The following RNF130 variants were observed in gnomAD, a reference collection of about 807,000 sequenced individuals.
RNF130 encodes the protein ring finger protein 130, also known as E3 ubiquitin-protein ligase RNF130.
RNF130 carries 21 observed loss-of-function variants against 44.6 expected under a neutral mutation model. The ratio of observed to expected loss-of-function variants is 0.47; its 90% CI spans 0.33 to 0.68. RNF130 has a LOEUF of 0.68. RNF130 is among the 30% of genes least tolerant of loss of function. RNF130 has a pLI of 0.02. For synonymous variants in RNF130, 214 were observed against 210.4 expected, an observed-to-expected ratio of 1.02 and a Z score of -0.15; for missense variants, 479 against 560.6, an observed-to-expected ratio of 0.85 and a Z score of 1.47.
chr5:179,954,324 G>C (rs79782985), downstream of RNF130, among the ~76,000 whole-genome samples: 1 of 152,138 alleles, frequency 6.6e-6, no homozygotes, highest in South Asian at 2.1e-4. Context: ...CATAACAGCC[G>C]AACAGCGGAA....
intron 2 of RNF130, among the ~76,000 whole-genome samples, chr5:180,014,317 C>T (rs1763665587): frequency 6.6e-6 from 1 of 152,172 alleles, no homozygotes; most frequent in South Asian, 2.1e-4. Context: ...TTTAAGGAAA[C>T]AGAGAAACTT....
intron 2 of RNF130, among the ~76,000 whole-genome samples, chr5:180,032,255 ACTT>A (rs1435783744): frequency 3.9e-5 from 6 of 152,306 alleles, no homozygotes; most frequent in African/African-American, 1.4e-4. Context: ...ATAGGCAAGA[ACTT>A]CTTGTTCAAA....
chr5:179,960,487 T>C (rs1205691230), intron 8 of RNF130, among the ~76,000 whole-genome samples: 1 of 152,102 alleles, frequency 6.6e-6, no homozygotes, highest in Non-Finnish European at 1.5e-5. Context: ...CCGAGCGTGG[T>C]GAGGAAGGGA....
intron 3 of RNF130, among the ~76,000 whole-genome samples, chr5:180,011,353 T>C (rs868504921): frequency 4.6e-5 from 7 of 152,242 alleles, no homozygotes; most frequent in African/African-American, 1.7e-4. Context: ...TTTACTGATT[T>C]TGATAACCAC....
At chr5:180,031,368 T>G (rs1039413948) in intron 2 of RNF130, among the ~76,000 whole-genome samples, 1 of 152,086 alleles carries the variant, frequency 6.6e-6, no homozygotes, top group Non-Finnish European at 1.5e-5. Flanking sequence ...GCACCTGTAA[T>G]CCCAGCTACT....
chr5:180,002,842 G>T (rs1479968814), intron 3 of RNF130, among the ~76,000 whole-genome samples: 1 of 152,052 alleles, frequency 6.6e-6, no homozygotes, highest in African/African-American at 2.4e-5. Flanking sequence ...TTTATTTATT[G>T]TTCAGGCTTT....
chr5:180,054,985 T>A (rs558074139), intron 1 of RNF130, among the ~76,000 whole-genome samples: 2 of 152,282 alleles, frequency 1.3e-5, no homozygotes, highest in South Asian at 2.1e-4. Context: ...TGATCTTTTA[T>A]CTATGGGTGT....
At chr5:179,957,064 A>C (rs1035116350) in intron 8 of RNF130, among the ~76,000 whole-genome samples, 8 of 152,260 alleles carry the variant, frequency 5.3e-5, no homozygotes, top group African/African-American at 1.9e-4. Context: ...ATTAGATATA[A>C]AGAATTTTTA....
At chr5:179,920,047 CT>C in exon 8 of RNF130, 1 of 412,832 alleles carries the variant, frequency 2.4e-6, no homozygotes, top group East Asian at 3.7e-5. Flanking sequence ...CCGGCCTCTT[CT>C]CTGGAAACAG....
chr5:180,013,608 G>A (rs1472608981), intron 2 of RNF130, among the ~76,000 whole-genome samples: 6 of 152,128 alleles, frequency 3.9e-5, no homozygotes, highest in Non-Finnish European at 8.8e-5. Context: ...TATTAAACCA[G>A]CCAAATGTGA....
At position 179,955,548 on chromosome 5, in the gene RNF130, T is replaced by C. The variant is rs554637178; in HGVS notation, c.*106A>G. 4.4e-6 allele frequency: 4 copies of C among 906,516 alleles called. No individual in the cohort carries two copies. Among genetic ancestry groups the C allele is most frequent in the Non-Finnish European group, 6.7e-6 (4 of 592,718 alleles). 56.2% of individuals were successfully genotyped at this position (906,516 alleles called of 1,614,324 possible). On this transcript the variant is annotated 3_prime_UTR_variant, in exon 9 of 9. Coordinates refer to ENST00000521389, the MANE Select transcript of RNF130 (RefSeq NM_018434.6). ...TTAGCAATTTTATGAAAAAATAAAA[T>C]GTACTAAAAATAAATGCTTGTGTGG...
chr5:179,993,665 T>C (rs1763141350), intron 3 of RNF130, among the ~76,000 whole-genome samples: 1 of 152,224 alleles, frequency 6.6e-6, no homozygotes, highest in Non-Finnish European at 1.5e-5. Flanking sequence ...TTTTCTCCCA[T>C]TCTGTAGGTT....
At chr5:179,993,964 G>A (rs1197110645) in intron 3 of RNF130, among the ~76,000 whole-genome samples, 9 of 152,198 alleles carry the variant, frequency 5.9e-5, no homozygotes, top group East Asian at 3.9e-4. Flanking sequence ...TTTTCCCAGC[G>A]TCATTTCTTA....
exon 8 of RNF130, chr5:179,918,754 T>C (rs2113668158): frequency 6.6e-6 from 1 of 152,306 alleles, no homozygotes; most frequent in East Asian, 1.9e-4. Flanking sequence ...ATCTGCACCA[T>C]TCTAGCCTCA....
intron 3 of RNF130, among the ~76,000 whole-genome samples, chr5:180,009,855 C>A (rs1373122636): frequency 6.6e-6 from 1 of 152,198 alleles, no homozygotes; most frequent in Non-Finnish European, 1.5e-5. Context: ...TCCCAGATAT[C>A]CTTCAATGAG....
chr5:179,935,923 G>A (rs1222491410), intron 7 of RNF130, among the ~76,000 whole-genome samples: 3 of 152,052 alleles, frequency 2.0e-5, no homozygotes, highest in Non-Finnish European at 4.4e-5. Flanking sequence ...CATCTTTTGT[G>A]CAGTTGATGT....
At chr5:179,931,018 C>T (rs77293047) in intron 7 of RNF130, among the ~76,000 whole-genome samples, 33,306 of 136,358 alleles carry the variant, frequency 0.24, 4,785 homozygotes, top group East Asian at 0.48. Flanking sequence ...GGGCTGCAGA[C>T]CAAACCTCTG....
intron 3 of RNF130, among the ~76,000 whole-genome samples, chr5:179,980,676 G>A (rs1561679179): frequency 6.6e-6 from 1 of 152,334 alleles, no homozygotes; most frequent in Non-Finnish European, 1.5e-5. Context: ...ATCATCAAGT[G>A]TGAAGAGAAG....
In RNF130 at chr5:179,978,207, A is replaced by G; in HGVS notation, c.844T>C (p.Cys282Arg). 6.2e-7 allele frequency: 1 copy of G among 1,610,434 alleles called. No homozygotes were observed. The highest frequency in any genetic ancestry group is 8.5e-7 in the Non-Finnish European group (1 of 1,176,580). The part of the protein sequence containing the change: ...KQNDVVRILP[C>R]KHVFHKSCVD... ...AAACAAATGAAGTTGACATACTTGC[A>G]GGGGAGAATTCGGACGACATCATTC... The change falls in exon 5 of 9, where the codon TGC becomes CGC. Residue 282 changes from cysteine (C) to arginine (R), a missense_variant. Physicochemically the swap from Cys to Arg is radical, Grantham distance 180. Around this residue, in one of 3 missense-constraint regions of RNF130, gnomAD observed 180 missense variants for 275.1 expected, o/e 0.65. Coordinates refer to ENST00000521389, the MANE Select transcript of RNF130 (RefSeq NM_018434.6).
Sources: gnomAD v4.1 joint callset for allele counts (sites outside exome capture counted in the v4.1 genomes callset) on GRCh38, gnomAD v4.1.1 for gene constraint, gnomAD v4.1.1 regional missense constraint, MANE v1.5 for transcripts, NCBI Gene and HGNC (gene_info 2026-07-23, HGNC 2026-07-21) for gene names.